ROBO1: variants seen among roughly 807,000 people sequenced by gnomAD.
ROBO1 encodes roundabout guidance receptor 1, also known as roundabout homolog 1.
ROBO1 carries 149 observed loss-of-function variants against 195.9 expected under a neutral mutation model. The observed-to-expected ratio is 0.76, with a 90% CI of 0.67 to 0.87. ROBO1 has a LOEUF of 0.87. Ranked by LOEUF, ROBO1 falls within the 40% of genes least tolerant of loss-of-function variation. ROBO1 has a pLI of 0.00. For synonymous variants in ROBO1, 816 were observed against 733.2 expected (o/e 1.11, Z -1.82); for missense variants, 1,933 against 2,068.3 (o/e 0.93, Z 1.27).
At position 79,126,443 on chromosome 3, in the gene ROBO1, T is replaced by C. The variant is rs567304511; in HGVS notation, c.89-904A>G. On this transcript the variant is annotated intron_variant, in intron 2 of 30. Coordinates refer to ENST00000464233, the MANE Select transcript of ROBO1 (RefSeq NM_002941.4). ...GTAGCAGAGGAGCAGTATGTGTGTA[T>C]ATAGAAGCTCAATGACACTACCAAA... 3.9e-5 allele frequency among the ~76,000 whole-genome samples: 6 copies of C among 152,274 alleles called. No individual in the cohort carries two copies. In the East Asian group the frequency reaches 7.7e-4, roughly 20 times the overall value.
Position 78,598,826 on chromosome 3 carries a change from C to T in ROBO1, c.*87G>A. On this transcript the variant is annotated 3_prime_UTR_variant, in exon 31 of 31. Transcript: ENST00000464233. ...ATTTGTACACTCTGATTGCACTGAA[C>T]ATTTTATCTGGCGTCATGTGTCATC... 1 of 822,516 alleles carries T rather than the reference C, an allele frequency of 1.2e-6. No homozygotes were observed. The highest frequency in any genetic ancestry group is 2.0e-5 in the South Asian group (1 of 50,342). The allele number at this position is 822,516 out of a possible 1,614,324, so 51.0% of individuals were successfully genotyped here.
At chr3:79,187,595 CT>C (rs1176971974) in intron 2 of ROBO1, among the ~76,000 whole-genome samples, 1 of 151,962 alleles carries the variant, frequency 6.6e-6, no homozygotes, top group Non-Finnish European at 1.5e-5. Flanking sequence ...TGACAGAACT[CT>C]TTTGAACGAA....
chr3:79,248,910 G>A (rs916617289), intron 2 of ROBO1, among the ~76,000 whole-genome samples: 1 of 152,068 alleles, frequency 6.6e-6, no homozygotes, highest in African/African-American at 2.4e-5. Context: ...AAATTGTAAT[G>A]GGGTCAGGTT....
chr3:78,941,347 C>T (rs1041953208), intron 3 of ROBO1, among the ~76,000 whole-genome samples: 1 of 152,208 alleles, frequency 6.6e-6, no homozygotes, highest in Non-Finnish European at 1.5e-5. Flanking sequence ...AAGTGAAATT[C>T]AGATTGGATT....
intron 29 of ROBO1, among the ~76,000 whole-genome samples, chr3:78,605,774 C>T (rs3773190): frequency 0.59 from 89,060 of 151,956 alleles, 26,897 homozygotes; most frequent in Admixed American, 0.67. Context: ...TTTTTTTACA[C>T]TGGTTAATAC....
intron 3 of ROBO1, among the ~76,000 whole-genome samples, chr3:78,984,737 C>T (rs1461030016): frequency 6.6e-6 from 1 of 151,874 alleles, no homozygotes; most frequent in African/African-American, 2.4e-5. Flanking sequence ...GCAACTACAA[C>T]AAACTTGTTC....
In ROBO1 at chr3:78,668,252, G is replaced by C; in HGVS notation, c.1681C>G (p.Pro561Ala). 6.2e-7 allele frequency: 1 copy of C among 1,613,734 alleles called. No homozygotes were observed. Among genetic ancestry groups the C allele is most frequent in the Non-Finnish European group, 8.5e-7 (1 of 1,179,774 alleles). ...PPRPTDPNLI[P>A]SAPSKPEVTD... ...ACTTCAGGTTTTGATGGGGCACTAG[G>C]GATTAAATTTGGGTCAGTAGGTCTT... is the stretch of plus-strand genomic sequence containing the variant. The change falls in exon 13 of 31, where the codon CCT becomes GCT. Residue 561 changes from proline (P) to alanine (A), a missense_variant. Physicochemically the swap from Pro to Ala is conservative, Grantham distance 27. Coordinates refer to ENST00000464233, the MANE Select transcript of ROBO1 (RefSeq NM_002941.4).
intron 1 of ROBO1, among the ~76,000 whole-genome samples, chr3:79,616,487 A>G (rs767758630): frequency 2.0e-5 from 3 of 152,148 alleles, no homozygotes; most frequent in Non-Finnish European, 4.4e-5. Context: ...TAGGGTAAAA[A>G]TTATTGCAGC....
Position 78,670,242 on chromosome 3 carries a change from C to T in ROBO1, c.1402G>A (p.Val468Met), listed in dbSNP as rs369947831. The change falls in exon 11 of 31, where the codon GTG (valine) becomes ATG (methionine). Residue 468 changes from valine (V) to methionine (M), a missense_variant. By Grantham distance (21) the Val-to-Met change is conservative. Transcript: ENST00000464233. ...RQGPVNQTVAVDGTFVLSCVA... is the reference protein window; with the variant it reads ...RQGPVNQTVAMDGTFVLSCVA... ...CAGCTGAGGACGAAAGTGCCATCCA[C>T]GGCTACAGTCTGATTCACAGGACCT... The T allele has an allele frequency of 3.1e-6, 5 of 1,596,102 alleles. No homozygotes were observed. The highest frequency in any genetic ancestry group is 4.3e-6 in the Non-Finnish European group (5 of 1,170,442).
At chr3:79,062,999 GA>G (rs986081473) in intron 3 of ROBO1, among the ~76,000 whole-genome samples, 5 of 151,406 alleles carry the variant, frequency 3.3e-5, no homozygotes, top group Middle Eastern at 3.4e-3. Context: ...AAAAGAAGAA[GA>G]AAAAAAATGA....
intron 2 of ROBO1, among the ~76,000 whole-genome samples, chr3:79,129,644 T>G (rs1485110501): frequency 1.3e-5 from 2 of 152,164 alleles, no homozygotes; most frequent in Admixed American, 1.3e-4. Context: ...TTGACAAATT[T>G]AAATTAAGTA....
chr3:79,715,111 G>T (rs1702432394), intron 1 of ROBO1, among the ~76,000 whole-genome samples: 1 of 152,042 alleles, frequency 6.6e-6, no homozygotes, highest in Non-Finnish European at 1.5e-5. Context: ...CAAAGACAAT[G>T]GTTTCTGGAG....
At chr3:79,581,158 T>TA (rs34023377) in intron 2 of ROBO1, among the ~76,000 whole-genome samples, 18,985 of 152,018 alleles carry the variant, frequency 0.12, 1,346 homozygotes, top group African/African-American at 0.18. Context: ...TTATTTTTTT[T>TA]ACCAAGGCTT....
chr3:79,268,020 G>A (rs2030150590), intron 2 of ROBO1, among the ~76,000 whole-genome samples: 1 of 151,536 alleles, frequency 6.6e-6, no homozygotes, highest in Non-Finnish European at 1.5e-5. Context: ...TGTATTTCTA[G>A]TCATTCACTC....
chr3:79,677,070 T>A (rs1946804294), intron 1 of ROBO1, among the ~76,000 whole-genome samples: 1 of 152,074 alleles, frequency 6.6e-6, no homozygotes, highest in African/African-American at 2.4e-5. Context: ...CCTTTCATGA[T>A]TCCCAACTCT....
chr3:78,645,782 C>T (rs553537186), intron 21 of ROBO1, among the ~76,000 whole-genome samples: 22 of 152,136 alleles, frequency 1.4e-4, no homozygotes, highest in Middle Eastern at 3.4e-3. Flanking sequence ...CTGTGTTCAG[C>T]AGGTTTTTCA....
intron 1 of ROBO1, among the ~76,000 whole-genome samples, chr3:79,716,173 T>C (rs1203754729): frequency 2.6e-5 from 4 of 152,032 alleles, no homozygotes; most frequent in Non-Finnish European, 4.4e-5. Flanking sequence ...GATTAGATTA[T>C]TATTATATCT....
At chr3:79,617,163 C>T (rs1233461088) in intron 1 of ROBO1, among the ~76,000 whole-genome samples, 1 of 152,152 alleles carries the variant, frequency 6.6e-6, no homozygotes, top group Non-Finnish European at 1.5e-5. Context: ...GGAGACCTCA[C>T]CCCATATGAC....
chr3:79,767,075 G>A (rs1705038118), intron 1 of ROBO1, among the ~76,000 whole-genome samples: 1 of 152,058 alleles, frequency 6.6e-6, no homozygotes, highest in Non-Finnish European at 1.5e-5. Flanking sequence ...GGTTGGAAAT[G>A]CAAGTGTCAA....
Sources: allele counts gnomAD v4.1 joint callset (sites outside exome capture counted in the v4.1 genomes callset), GRCh38; gene constraint gnomAD v4.1.1; transcripts MANE v1.5; gene names NCBI Gene and HGNC (gene_info 2026-07-23, HGNC 2026-07-21).